The following ZBTB45 variants were observed in gnomAD, a reference collection of about 807,000 sequenced individuals.
The protein encoded by ZBTB45 is zinc finger and BTB domain containing 45, also known as zinc finger and BTB domain-containing protein 45.
Under a neutral mutation model 28.4 loss-of-function variants are expected in ZBTB45, and 22 were observed. That is an observed-to-expected ratio of 0.77 (90% CI 0.55 to 1.10). The LOEUF is 1.10. ZBTB45 is among the 50% of genes least tolerant of loss of function. The pLI, the probability that ZBTB45 is intolerant of heterozygous loss-of-function variation, is 0.00. For missense variants in ZBTB45, 656 were observed against 750.2 expected (o/e 0.87, Z 1.47); for synonymous variants, 361 against 332.3 (o/e 1.09, Z -0.94).
At chr19:58,532,554 C>CT (rs1000243302) in intron 1 of ZBTB45, among the ~76,000 whole-genome samples, 5 of 151,404 alleles carry the variant, frequency 3.3e-5, no homozygotes, top group East Asian at 1.9e-4. Context: ...TTTGTCTTTT[C>CT]TTTTTTTTTG....
intron 1 of ZBTB45, chr19:58,519,174 T>G (rs1238165312): frequency 1.3e-5 from 2 of 152,364 alleles, no homozygotes; most frequent in African/African-American, 4.8e-5. Flanking sequence ...GGCCCTGTTC[T>G]GAGCCTTCTG....
In ZBTB45 at chr19:58,513,607, T is replaced by G. The variant is rs1284093080; in HGVS notation, c.*447A>C. 2 of 164,550 alleles carry G rather than the reference T, an allele frequency of 1.2e-5. No homozygotes were observed. Among genetic ancestry groups the G allele is most frequent in the African/African-American group, 4.8e-5 (2 of 41,946 alleles). 10.2% of individuals were successfully genotyped at this position (164,550 alleles called of 1,614,324 possible). ...AGGCCCAGCCCCCATATATGATGGG[T>G]CCACTTGAGTCTCCTTAGGCGCCCC... On this transcript the variant is annotated 3_prime_UTR_variant, in exon 3 of 3. Coordinates refer to ENST00000594051, the MANE Select transcript of ZBTB45 (RefSeq NM_001316979.2).
Position 58,530,377 on chromosome 19 carries a change from G to C in ZBTB45, c.-1+8324C>G, listed in dbSNP as rs536081458. ...GGCTGGAGTGCAATGGCATGATCTCGGCTCACCACAACCTCCGCCTCCAGA... is the reference window on the plus strand; with the variant it reads ...GGCTGGAGTGCAATGGCATGATCTCCGCTCACCACAACCTCCGCCTCCAGA... On this transcript the variant is annotated intron_variant, in intron 1 of 1. Coordinates refer to the ZBTB45 transcript ENST00000600130. Among the ~76,000 whole-genome samples the C allele has an allele frequency of 8.6e-5, 13 of 151,930 alleles. No homozygotes were observed. The East Asian group carries it at 2.3e-3, about 27-fold the overall frequency.
rs779010130 is a variant in ZBTB45 at position 58,516,689 on chromosome 19, C to T, written c.985G>A (p.Val329Ile). ...CCCAAGTGAAAGGGGAAGAGTGCAA[C>T]GGGCGGCCCTGGGGTCTTCACACCA... ...PPGVKTPGPP[V>I]ALFPFHLGAP... The change falls in exon 2 of 3, where the codon GTT (valine) becomes ATT (isoleucine). Residue 329 changes from valine to isoleucine, a missense_variant. Around this residue, in one of 3 missense-constraint regions of ZBTB45, gnomAD observed 448 missense variants for 444.3 expected, o/e 1.01. Transcript: ENST00000594051. This position sits in a 1 kb window ranked among gnomAD's most constrained non-coding sequence, Gnocchi z 6.2. 89 of 1,576,602 alleles carry T rather than the reference C, an allele frequency of 5.6e-5. No homozygotes were observed. The highest frequency in any genetic ancestry group is 1.5e-4 in the South Asian group (13 of 84,832).
In ZBTB45 at chr19:58,514,134, C is replaced by T. The variant is rs767686852; in HGVS notation, c.1456G>A (p.Ala486Thr). The T allele has an allele frequency of 5.6e-6, 9 of 1,601,734 alleles. 1 individual carries two copies. The Admixed American group carries it at 1.3e-4, about 24-fold the overall frequency. Residue 486 changes from alanine (A) to threonine (T), a missense_variant, in exon 3 of 3, where the codon GCG (alanine) becomes ACG (threonine). This residue lies in a region of ZBTB45 where 103 missense variants were observed against 153.5 expected (regional missense o/e 0.67). Transcript: ENST00000594051. ...ACCTTGCCGCAGGCGGGGCAGGGCG[C>T]GCGCTCGGGCCGGTGAGTGCGCATG... ...VHMRTHRPER[A>T]PCPACGKVFS...
intron 1 of ZBTB45, among the ~76,000 whole-genome samples, chr19:58,535,206 C>T (rs2053654310): frequency 1.3e-5 from 2 of 151,806 alleles, no homozygotes; most frequent in South Asian, 4.2e-4. Flanking sequence ...CAGGGTTTCA[C>T]CATGTTGGCC....
intron 1 of ZBTB45, among the ~76,000 whole-genome samples, chr19:58,518,506 G>A (rs915598728): frequency 6.6e-6 from 1 of 152,146 alleles, no homozygotes; most frequent in Non-Finnish European, 1.5e-5. Context: ...GGGGCCCAGG[G>A]TGTGGGTGTG....
Position 58,513,831 on chromosome 19 carries a change from A to T in ZBTB45, c.*223T>A. ...TCCAGTTCTCAGAAGTGGTCTAACC[A>T]GCCCCAGCCCCAGCCCGGCACCACC... On this transcript the variant is annotated 3_prime_UTR_variant, in exon 3 of 3. Transcript: ENST00000594051. 2.0e-6 allele frequency: 1 copy of T among 504,678 alleles called. No homozygotes were observed. Among genetic ancestry groups the T allele is most frequent in the Middle Eastern group, 4.6e-4 (1 of 2,154 alleles). 31.3% of individuals were successfully genotyped at this position (504,678 alleles called of 1,614,324 possible). A position where few individuals can be genotyped will look rare whatever the true frequency, so the allele number is the denominator to read the frequency against.
At position 58,516,329 on chromosome 19, in the gene ZBTB45, C is replaced by T. The variant is rs1356333343; in HGVS notation, c.1279+66G>A. 13 of 1,591,478 alleles carry T rather than the reference C, an allele frequency of 8.2e-6. No individual in the cohort carries two copies. Among genetic ancestry groups the T allele is most frequent in the South Asian group, 1.1e-5 (1 of 88,328 alleles). On this transcript the variant is annotated intron_variant, in intron 2 of 2. Transcript: ENST00000594051. This position sits in a 1 kb window ranked among gnomAD's most constrained non-coding sequence, Gnocchi z 6.2. ...GTGCCAGTGCCCTGTAACTAGTGCT[C>T]AATTCCCCCTCAGGTTTAACTCTCC...
intron 1 of ZBTB45, among the ~76,000 whole-genome samples, chr19:58,527,620 G>A (rs1410002003): frequency 6.6e-6 from 1 of 152,198 alleles, no homozygotes; most frequent in African/African-American, 2.4e-5. Flanking sequence ...GGAGTGGCTA[G>A]TCTGAGAAGT....
At position 58,517,162 on chromosome 19, in the gene ZBTB45, C is replaced by T. The variant is rs755587768; in HGVS notation, c.512G>A (p.Arg171His). The change falls in exon 2 of 3, where the codon CGT becomes CAT. Residue 171 changes from arginine (R) to histidine (H), a missense_variant. Physicochemically the swap from Arg to His is conservative, Grantham distance 29 (BLOSUM62 0). Coordinates refer to ENST00000594051, the MANE Select transcript of ZBTB45 (RefSeq NM_001316979.2). ...PPGHPGAAHS[R>H]KQRQPARLQL... Reference sequence around the variant, plus strand: ...CAAACGCGCGGGCTGGCGCTGCTTACGGCTGTGTGCAGCACCGGGGTGCCC... The same window carrying T: ...CAAACGCGCGGGCTGGCGCTGCTTATGGCTGTGTGCAGCACCGGGGTGCCC... The T allele has an allele frequency of 1.4e-5, 23 of 1,610,974 alleles. No individual in the cohort carries two copies. The highest frequency in any genetic ancestry group is 2.7e-5 in the African/African-American group (2 of 74,870).
chr19:58,523,749 C>T (rs1267691777), upstream of ZBTB45, among the ~76,000 whole-genome samples: 1 of 136,918 alleles, frequency 7.3e-6, no homozygotes, highest in African/African-American at 2.7e-5. Context: ...TGGCTCACTG[C>T]AAGCTCCGCC....
chr19:58,521,009 G>T (rs1263782959), upstream of ZBTB45, among the ~76,000 whole-genome samples: 1 of 118,274 alleles, frequency 8.5e-6, no homozygotes, highest in Non-Finnish European at 1.6e-5. Flanking sequence ...CTGAGATCGC[G>T]CCACTGCACT....
Position 58,513,933 on chromosome 19 carries a change from G to A in ZBTB45, c.*121C>T. 8.3e-7 allele frequency: 1 copy of A among 1,204,402 alleles called. No individual in the cohort carries two copies. Among genetic ancestry groups the A allele is most frequent in the South Asian group, 2.0e-5 (1 of 49,088 alleles). The allele number at this position is 1,204,402 out of a possible 1,614,324, so 74.6% of individuals were successfully genotyped here. A position where few individuals can be genotyped will look rare whatever the true frequency, so the allele number is the denominator to read the frequency against. On this transcript the variant is annotated 3_prime_UTR_variant, in exon 3 of 3. Transcript: ENST00000594051. ...TATGGAGAAAGGGTGAAGGGAGAGAGAGGACCTGCGCTCAGGAGGGAGCGT... is the reference window on the plus strand; with the variant it reads ...TATGGAGAAAGGGTGAAGGGAGAGAAAGGACCTGCGCTCAGGAGGGAGCGT...
chr19:58,521,942 A>C (rs926021246), upstream of ZBTB45, among the ~76,000 whole-genome samples: 1 of 152,264 alleles, frequency 6.6e-6, no homozygotes, highest in South Asian at 2.1e-4. Context: ...TCCTTCACCC[A>C]GGACAGCTAC....
intron 2 of ZBTB45, 97 bp from the exon 3 acceptor site, chr19:58,514,407 G>A: frequency 7.3e-7 from 1 of 1,370,026 alleles, no homozygotes; most frequent in Non-Finnish European, 9.5e-7. Context: ...GACCTAGCAG[G>A]GGCTCCCCTC....
At chr19:58,514,604 C>T (rs1390702013) in intron 2 of ZBTB45, among the ~76,000 whole-genome samples, 1 of 152,086 alleles carries the variant, frequency 6.6e-6, no homozygotes, top group African/African-American at 2.4e-5. Context: ...TGGCAGGGAC[C>T]CCCTTTCTGT....
In ZBTB45 at chr19:58,513,712, C is replaced by G. The variant is rs917956286; in HGVS notation, c.*342G>C. The G allele has an allele frequency of 3.8e-6, 1 of 261,974 alleles. No individual in the cohort carries two copies. Among genetic ancestry groups the G allele is most frequent in the Non-Finnish European group, 7.2e-6 (1 of 139,588 alleles). The allele number at this position is 261,974 out of a possible 1,614,324, so 16.2% of individuals were successfully genotyped here. ...GGGGCAGGCAAGCGGCCCCCCAGCC[C>G]CCACCACCACCCCAGGAGAGGGCGG... is the stretch of plus-strand genomic sequence containing the variant. On this transcript the variant is annotated 3_prime_UTR_variant, in exon 3 of 3. Transcript: ENST00000594051.
At chr19:58,535,248 C>T (rs547271100) in intron 1 of ZBTB45, among the ~76,000 whole-genome samples, 5 of 152,136 alleles carry the variant, frequency 3.3e-5, no homozygotes, top group South Asian at 4.2e-4. Flanking sequence ...TCCCGTGATC[C>T]GCCTGCTTCA....
Sources: allele counts gnomAD v4.1 joint callset (sites outside exome capture counted in the v4.1 genomes callset), GRCh38; gene constraint gnomAD v4.1.1; regional missense constraint gnomAD v4.1.1; non-coding constraint Gnocchi (gnomAD v3.1); transcripts MANE v1.5; gene names NCBI Gene and HGNC (gene_info 2026-07-23, HGNC 2026-07-21).